LHFPL2: variants seen among roughly 807,000 people sequenced by gnomAD.
The protein encoded by LHFPL2 is LHFPL tetraspan subfamily member 2 protein.
Under a neutral mutation model 17.5 loss-of-function variants are expected in LHFPL2, and 7 were observed. The ratio of observed to expected loss-of-function variants is 0.40; its 90% CI spans 0.23 to 0.75. The LOEUF (loss-of-function observed/expected upper bound fraction) is 0.75. Ranked by LOEUF, LHFPL2 falls within the 30% of genes least tolerant of loss-of-function variation. The pLI is 0.37. For synonymous variants in LHFPL2, 134 were observed against 116.2 expected, an observed-to-expected ratio of 1.15 and a Z score of -0.99; for missense variants, 241 against 294.8, an observed-to-expected ratio of 0.82 and a Z score of 1.34.
chr5:78,522,516 T>C (rs535711704), intron 3 of LHFPL2, among the ~76,000 whole-genome samples: 1 of 152,326 alleles, frequency 6.6e-6, no homozygotes, highest in African/African-American at 2.4e-5. Flanking sequence ...TAATATACGT[T>C]TGCTGACACT....
chr5:78,565,777 T>C (rs1321803403), intron 2 of LHFPL2, among the ~76,000 whole-genome samples: 1 of 152,218 alleles, frequency 6.6e-6, no homozygotes, highest in Non-Finnish European at 1.5e-5. Flanking sequence ...GCCTTTTTCC[T>C]CCTATCAGAT....
At chr5:78,571,707 C>A (rs1171046642) in intron 2 of LHFPL2, among the ~76,000 whole-genome samples, 1 of 152,202 alleles carries the variant, frequency 6.6e-6, no homozygotes, top group African/African-American at 2.4e-5. Flanking sequence ...TCCCTGACCA[C>A]CCTTGCTAAA....
intron 4 of LHFPL2, among the ~76,000 whole-genome samples, chr5:78,499,835 C>T (rs1216699572): frequency 6.6e-6 from 1 of 152,180 alleles, no homozygotes; most frequent in Admixed American, 6.5e-5. Flanking sequence ...ATCTGAGTGT[C>T]ACCAACCTTA....
chr5:78,609,450 C>CAAAAAAAAAAAAAAAAA (rs71613975), intron 2 of LHFPL2, among the ~76,000 whole-genome samples: 8 of 40,682 alleles, frequency 2.0e-4, no homozygotes, highest in African/African-American at 6.8e-4. Context: ...GACTCAGTCT[C>CAAAAAAAAAAAAAAAAA]AAAAAAAAAA....
At chr5:78,534,419 C>G (rs183740256) in intron 3 of LHFPL2, among the ~76,000 whole-genome samples, 370 of 152,300 alleles carry the variant, frequency 2.4e-3, no homozygotes, top group Non-Finnish European at 3.7e-3. Flanking sequence ...CAGGCTCCCC[C>G]ACAAAGGACA....
At position 78,487,422 on chromosome 5, in the gene LHFPL2, T is replaced by C. The variant is rs567961287; in HGVS notation, c.*1475A>G. 1.3e-5 allele frequency: 2 copies of C among 152,348 alleles called. No homozygotes were observed. Among genetic ancestry groups the C allele is most frequent in the South Asian group, 4.1e-4 (2 of 4,828 alleles). The allele number at this position is 152,348 out of a possible 1,614,324, so 9.4% of individuals were successfully genotyped here. ...AAGGTACTTTTTCAAAACAAAGTCC[T>C]CAAGTGAGCAGATTAATGAACCCAA... On this transcript the variant is annotated 3_prime_UTR_variant, in exon 5 of 5. Coordinates refer to ENST00000380345, the MANE Select transcript of LHFPL2 (RefSeq NM_005779.3).
intron 3 of LHFPL2, among the ~76,000 whole-genome samples, chr5:78,520,862 G>A (rs1469752931): frequency 1.3e-5 from 2 of 152,200 alleles, no homozygotes; most frequent in African/African-American, 2.4e-5. Context: ...GATGGACCCT[G>A]CCATTAAAGG....
At chr5:78,540,990 G>C (rs1030709319) in intron 3 of LHFPL2, among the ~76,000 whole-genome samples, 5 of 152,162 alleles carry the variant, frequency 3.3e-5, no homozygotes, top group African/African-American at 1.2e-4. Flanking sequence ...AGGAATTATG[G>C]AAGCGTTTTA....
chr5:78,527,572 G>A (rs985173784), intron 3 of LHFPL2, among the ~76,000 whole-genome samples: 3 of 151,688 alleles, frequency 2.0e-5, no homozygotes, highest in Non-Finnish European at 4.4e-5. Flanking sequence ...ACCCTTTTGT[G>A]TTCACGAACT....
rs79604462 is a variant in LHFPL2, at chr5:78,587,437, C to G, written c.-244-22566G>C. 9.5e-3 allele frequency among the ~76,000 whole-genome samples: 1,447 copies of G among 152,330 alleles called. 29 individuals carry two copies. The highest frequency in any genetic ancestry group is 0.033 in the African/African-American group (1,357 of 41,574). On this transcript the variant is annotated intron_variant, in intron 2 of 4. Transcript: ENST00000380345. The stretch of plus-strand genomic sequence containing the variant: ...AGACCACCAGAAAATGCTGACATCT[C>G]TGAGCCCTGCTTTTTGACTCTGCAT...
At chr5:78,596,707 G>A (rs1269891086) in intron 2 of LHFPL2, among the ~76,000 whole-genome samples, 1 of 152,168 alleles carries the variant, frequency 6.6e-6, no homozygotes, top group Non-Finnish European at 1.5e-5. Flanking sequence ...CCAGAACCCA[G>A]CTAGGAACCC....
At chr5:78,498,874 C>G (rs751685382) in intron 4 of LHFPL2, among the ~76,000 whole-genome samples, 5 of 152,246 alleles carry the variant, frequency 3.3e-5, no homozygotes, top group Non-Finnish European at 7.3e-5. Context: ...CATAGATGCA[C>G]TTGTCCCATT....
chr5:78,490,911 C>T (rs937752561), intron 4 of LHFPL2, among the ~76,000 whole-genome samples: 3 of 152,184 alleles, frequency 2.0e-5, no homozygotes, highest in Non-Finnish European at 4.4e-5. Context: ...TTAATCTTGG[C>T]ATCTTGGCTC....
intron 2 of LHFPL2, among the ~76,000 whole-genome samples, chr5:78,599,163 C>G (rs1056957687): frequency 1.3e-5 from 2 of 152,134 alleles, no homozygotes; most frequent in Non-Finnish European, 2.9e-5. Flanking sequence ...GCGTCATTCC[C>G]CTACCCTCCC....
At chr5:78,576,781 T>C (rs1001970357) in intron 2 of LHFPL2, among the ~76,000 whole-genome samples, 2 of 152,276 alleles carry the variant, frequency 1.3e-5, no homozygotes, top group African/African-American at 4.8e-5. Flanking sequence ...TCTTAACTTT[T>C]ACTTTAGGTT....
chr5:78,505,470 G>A lies in LHFPL2; in HGVS notation c.430+4314C>T, dbSNP rs1049816037. ...GAAAATGTGTGTGTCAGGGGAAGGG[G>A]AGGGGGAGGAAGGAGCTCTGTTTTC... On this transcript the variant is annotated intron_variant, in intron 4 of 4. Transcript: ENST00000380345. Among the ~76,000 whole-genome samples, 2 of 152,220 alleles carry A rather than the reference G, an allele frequency of 1.3e-5. 1 individual carries two copies. Among genetic ancestry groups the A allele is most frequent in the South Asian group, 4.1e-4 (2 of 4,834 alleles).
At chr5:78,624,639 T>G (rs79343051) in intron 2 of LHFPL2, among the ~76,000 whole-genome samples, 3,392 of 152,316 alleles carry the variant, frequency 0.022, 122 homozygotes, top group African/African-American at 0.078. Flanking sequence ...AATCTTGAAT[T>G]AACCTCCTAT....
intron 4 of LHFPL2, among the ~76,000 whole-genome samples, chr5:78,498,135 G>A (rs951631145): frequency 6.6e-6 from 1 of 152,188 alleles, no homozygotes; most frequent in African/African-American, 2.4e-5. Context: ...GTAAATATTA[G>A]CAGTGTGAGC....
At chr5:78,569,433 A>G (rs1756939689) in intron 2 of LHFPL2, among the ~76,000 whole-genome samples, 1 of 152,204 alleles carries the variant, frequency 6.6e-6, no homozygotes, top group Non-Finnish European at 1.5e-5. Context: ...AGCACTCCCC[A>G]TTTCTGCAGC....
Sources: gnomAD v4.1 joint callset for allele counts (sites outside exome capture counted in the v4.1 genomes callset) on GRCh38, gnomAD v4.1.1 for gene constraint, MANE v1.5 for transcripts, NCBI Gene and HGNC (gene_info 2026-07-23, HGNC 2026-07-21) for gene names.